Variants in PSIP1 observed in about 807,000 individuals in gnomAD.
PSIP1 encodes the protein PC4 and SRSF1 interacting protein 1, also known as PC4 and SFRS1-interacting protein.
A neutral mutation model predicts 74.7 loss-of-function variants in PSIP1; 19 were observed. That is an observed-to-expected ratio of 0.25 (90% CI 0.18 to 0.37). The LOEUF (loss-of-function observed/expected upper bound fraction) is 0.37, where lower values mean the gene tolerates loss of function less well. Among genes scored for constraint, PSIP1 ranks in the 10% least tolerant of loss-of-function variants. The pLI, the probability that PSIP1 is intolerant of heterozygous loss-of-function variation, is 1.00. For missense variants in PSIP1, 601 were observed against 614.3 expected, an observed-to-expected ratio of 0.98 and a Z score of 0.23; for synonymous variants, 222 against 195.3, an observed-to-expected ratio of 1.14 and a Z score of -1.14.
intron 3 of PSIP1, among the ~76,000 whole-genome samples, chr9:15,494,653 T>A (rs1398497669): frequency 6.6e-6 from 1 of 151,796 alleles, no homozygotes; most frequent in East Asian, 1.9e-4. Context: ...ATTATTTAAA[T>A]TCTGTAACAT....
At chr9:15,502,454 C>T (rs771674121) in intron 3 of PSIP1, among the ~76,000 whole-genome samples, 9 of 152,006 alleles carry the variant, frequency 5.9e-5, no homozygotes, top group Non-Finnish European at 8.8e-5. Flanking sequence ...AATTTTTTTA[C>T]CCCCCAAGAC....
In PSIP1 at chr9:15,472,426, T is replaced by A. The variant is rs78489426; in HGVS notation, c.977+206A>T. On this transcript the variant is annotated intron_variant, in intron 10 of 15. Coordinates refer to ENST00000380733, the MANE Select transcript of PSIP1 (RefSeq NM_033222.5). ...TTAAATTCAAAAATAATTCACAGAGTGACTGCCTCAGTCAATTTCATCCTC... is the reference window on the plus strand; with the variant it reads ...TTAAATTCAAAAATAATTCACAGAGAGACTGCCTCAGTCAATTTCATCCTC... The A allele has an allele frequency of 4.6e-3, 6,242 of 1,361,928 alleles. 229 individuals are homozygous for A. The African/African-American group carries it at 0.085, about 19-fold the overall frequency. The allele number at this position is 1,361,928 out of a possible 1,614,324, so 84.4% of individuals were successfully genotyped here.
At chr9:15,490,682 CAA>C (rs869054621) in intron 3 of PSIP1, among the ~76,000 whole-genome samples, 3,011 of 57,128 alleles carry the variant, frequency 0.053, 35 homozygotes, top group African/African-American at 0.17. Context: ...GACTCTGTCT[CAA>C]AAAAAAAAAA....
chr9:15,506,108 C>G (rs1263472656), intron 3 of PSIP1: 2 of 152,766 alleles, frequency 1.3e-5, no homozygotes, highest in African/African-American at 4.8e-5. Context: ...CCACCAGAGG[C>G]AGCAGAGCTT....
In PSIP1 at chr9:15,474,256, C is replaced by T. The variant is rs746523271; in HGVS notation, c.630-19G>A. On this transcript the variant is annotated intron_variant, in intron 8 of 15. Coordinates refer to ENST00000380733, the MANE Select transcript of PSIP1 (RefSeq NM_033222.5). The stretch of plus-strand genomic sequence containing the variant: ...AGTAATGCTATTTTAGAGAACATAA[C>T]AATGTATACTTGTCATTCAACTATA... The T allele has an allele frequency of 3.2e-5, 50 of 1,564,188 alleles. No individual in the cohort carries two copies. Among genetic ancestry groups the T allele is most frequent in the Non-Finnish European group, 4.2e-5 (48 of 1,147,506 alleles).
intron 15 of PSIP1, chr9:15,465,802 T>A (rs940254399): frequency 2.2e-6 from 1 of 458,698 alleles, no homozygotes; most frequent in Non-Finnish European, 3.8e-6. Context: ...AATATGCAGA[T>A]GAAGCAAAAT....
chr9:15,469,837 T>C lies in PSIP1; in HGVS notation c.1033+101A>G, dbSNP rs111388944. ...TTTGAAAAATTCTATTTGTAGGATA[T>C]GAGTATAAAATTATTCCAAAACCAA... On this transcript the variant is annotated intron_variant, in intron 11 of 15. Coordinates refer to ENST00000380733, the MANE Select transcript of PSIP1 (RefSeq NM_033222.5). 4.3e-4 allele frequency: 408 copies of C among 940,074 alleles called. 5 individuals are homozygous for C. In the East Asian group the frequency reaches 7.7e-3, roughly 18 times the overall value. 58.2% of individuals were successfully genotyped at this position (940,074 alleles called of 1,614,324 possible).
chr9:15,471,007 T>C, intron 10 of PSIP1: 1 of 1,391,362 alleles, frequency 7.2e-7, no homozygotes, highest in South Asian at 1.7e-5. Flanking sequence ...TACAGGAAAT[T>C]TGTTAATCAT....
At chr9:15,508,533 T>G (rs2037704949) in intron 2 of PSIP1, among the ~76,000 whole-genome samples, 1 of 152,180 alleles carries the variant, frequency 6.6e-6, no homozygotes, top group Non-Finnish European at 1.5e-5. Context: ...GGAGGGTGAT[T>G]TGGGAGATTT....
chr9:15,506,919 T>C (rs2037616956), intron 2 of PSIP1, among the ~76,000 whole-genome samples: 1 of 152,246 alleles, frequency 6.6e-6, no homozygotes, highest in African/African-American at 2.4e-5. Context: ...CATATTATTA[T>C]GTGCTATTCC....
intron 15 of PSIP1, 99 bp downstream of exon 15, chr9:15,466,649 G>T: frequency 1.1e-6 from 1 of 896,372 alleles, no homozygotes. Flanking sequence ...GTGATCAAAA[G>T]ATAACTGCTT....
chr9:15,486,094 T>C, intron 5 of PSIP1, 26 bp from the exon 6 acceptor site: 1 of 1,525,772 alleles, frequency 6.6e-7, no homozygotes. Flanking sequence ...GAAAACTGAA[T>C]ACTGAATAAA....
chr9:15,470,674 T>C, intron 10 of PSIP1: 1 of 935,954 alleles, frequency 1.1e-6, no homozygotes, highest in Non-Finnish European at 1.3e-6. Flanking sequence ...AAATTTTGGT[T>C]ACAGTTTCAT....
At chr9:15,503,753 GTT>G (rs2037453067) in intron 3 of PSIP1, among the ~76,000 whole-genome samples, 2 of 151,286 alleles carry the variant, frequency 1.3e-5, no homozygotes, top group Admixed American at 1.3e-4. Flanking sequence ...GTATTTTTTT[GTT>G]TGTTTTTTAG....
intron 3 of PSIP1, among the ~76,000 whole-genome samples, chr9:15,494,955 G>C (rs2037008117): frequency 6.6e-6 from 1 of 151,996 alleles, no homozygotes; most frequent in South Asian, 2.1e-4. Context: ...TTTCTGGTCA[G>C]AACAAACCCA....
chr9:15,497,205 G>A (rs2037115648), intron 3 of PSIP1, among the ~76,000 whole-genome samples: 2 of 135,692 alleles, frequency 1.5e-5, no homozygotes, highest in South Asian at 4.4e-4. Context: ...TGGAATATGT[G>A]ACAATAAAAA....
chr9:15,472,837 G>T, intron 9 of PSIP1, 87 bp from the exon 10 acceptor site: 1 of 1,303,182 alleles, frequency 7.7e-7, no homozygotes, highest in Non-Finnish European at 1.1e-6. Context: ...AAAAGCAGCA[G>T]CTAGTTTTTA....
chr9:15,483,311 C>G (rs1480577847), intron 6 of PSIP1, among the ~76,000 whole-genome samples: 2 of 152,142 alleles, frequency 1.3e-5, no homozygotes. Context: ...CTAGCTTATT[C>G]AAGTAAAGAC....
chr9:15,470,315 C>A (rs2035769590), intron 10 of PSIP1, among the ~76,000 whole-genome samples: 1 of 152,096 alleles, frequency 6.6e-6, no homozygotes, highest in East Asian at 1.9e-4. Flanking sequence ...GCTTCTACAT[C>A]CATTCTTTTT....
Sources: gnomAD v4.1 joint callset for allele counts (sites outside exome capture counted in the v4.1 genomes callset) on GRCh38, gnomAD v4.1.1 for gene constraint, MANE v1.5 for transcripts, NCBI Gene and HGNC (gene_info 2026-07-23, HGNC 2026-07-21) for gene names.